The following ATAD1 variants were observed in gnomAD, a reference collection of about 807,000 sequenced individuals.
The protein encoded by ATAD1 is outer mitochondrial transmembrane helix translocase.
ATAD1 carries 18 observed loss-of-function variants against 42.7 expected under a neutral mutation model. The observed-to-expected ratio is 0.42, with a 90% CI of 0.29 to 0.63. The LOEUF (loss-of-function observed/expected upper bound fraction) is 0.63. Ranked by LOEUF, ATAD1 falls within the 20% of genes least tolerant of loss-of-function variation. The pLI is 0.19. For synonymous variants in ATAD1, 132 were observed against 143.1 expected, an observed-to-expected ratio of 0.92 and a Z score of 0.55; for missense variants, 294 against 440.4, an observed-to-expected ratio of 0.67 and a Z score of 2.98.
intron 1 of ATAD1, among the ~76,000 whole-genome samples, chr10:87,834,405 C>T (rs1312540037): frequency 6.6e-6 from 1 of 152,026 alleles, no homozygotes; most frequent in Non-Finnish European, 1.5e-5. Context: ...GACAGTGTAA[C>T]CATCTGGGCT....
At chr10:87,758,492 C>T (rs1158176601) in intron 8 of ATAD1, among the ~76,000 whole-genome samples, 3 of 151,806 alleles carry the variant, frequency 2.0e-5, no homozygotes, top group African/African-American at 7.3e-5. Flanking sequence ...ACCATAAATG[C>T]AAATAGACTA....
rs1006043385 is a variant in ATAD1, at chr10:87,818,098, CG to C, written c.-14+68del. 2.2e-5 allele frequency: 22 copies of C among 985,494 alleles called. No individual in the cohort carries two copies. In the Admixed American group the frequency reaches 2.5e-4, roughly 11 times the overall value. 61.0% of individuals were successfully genotyped at this position (985,494 alleles called of 1,614,324 possible). ...CCTCCGGGGGTTCCCAGGTCCGAGACGGTCCTTAAAGGACCTCAGAAGGATA... is the reference window on the plus strand; with the variant it reads ...CCTCCGGGGGTTCCCAGGTCCGAGACGTCCTTAAAGGACCTCAGAAGGATA... On this transcript the variant is annotated intron_variant, in intron 1 of 9. Coordinates refer to ENST00000680024, the MANE Select transcript of ATAD1 (RefSeq NM_001321967.2).
At chr10:87,797,225 C>T (rs1856435914) in intron 2 of ATAD1, among the ~76,000 whole-genome samples, 1 of 151,992 alleles carries the variant, frequency 6.6e-6, no homozygotes, top group Non-Finnish European at 1.5e-5. Flanking sequence ...TCAGATTTGA[C>T]AAACTCTACT....
intron 4 of ATAD1, among the ~76,000 whole-genome samples, chr10:87,787,242 T>C (rs1354801497): frequency 2.6e-5 from 4 of 152,252 alleles, no homozygotes; most frequent in African/African-American, 7.2e-5. Flanking sequence ...TTAAGCTTTA[T>C]AGAGGCTTAA....
chr10:87,756,907 C>T lies in ATAD1; in HGVS notation c.847G>A (p.Asp283Asn). Residue 283 changes from aspartate (D) to asparagine (N), a missense_variant, in exon 9 of 10, where the codon GAC (aspartate) becomes AAC (asparagine). Physicochemically the swap from Asp to Asn is conservative, Grantham distance 23 (BLOSUM62 1). This residue lies in a region of ATAD1 where 142 missense variants were observed against 174.6 expected (regional missense o/e 0.81). Coordinates refer to ENST00000680024, the MANE Select transcript of ATAD1 (RefSeq NM_001321967.2). ...LKNENVDRHV[D>N]LLEVAQETDG... ...GTTTCCTGGGCAACTTCTAGCAGGTCTACATGCCTATCCACCTTAAACAAA... is the reference window on the plus strand; with the variant it reads ...GTTTCCTGGGCAACTTCTAGCAGGTTTACATGCCTATCCACCTTAAACAAA... 1.2e-6 allele frequency: 2 copies of T among 1,604,362 alleles called. No homozygotes were observed. The highest frequency in any genetic ancestry group is 2.2e-5 in the East Asian group (1 of 44,708).
At chr10:87,808,007 T>C (rs1375495876) in intron 2 of ATAD1, among the ~76,000 whole-genome samples, 2 of 152,214 alleles carry the variant, frequency 1.3e-5, no homozygotes, top group African/African-American at 4.8e-5. Context: ...ATGTCTTATG[T>C]TTGTCCGTTG....
intron 4 of ATAD1, among the ~76,000 whole-genome samples, chr10:87,787,135 C>T (rs1258818905): frequency 2.6e-5 from 4 of 152,110 alleles, no homozygotes; most frequent in Non-Finnish European, 5.9e-5. Context: ...AGGCATTTAG[C>T]TTTTATTATT....
intron 1 of ATAD1, 105 bp downstream of exon 1, chr10:87,818,062 G>A (rs1857510109): frequency 4.1e-6 from 4 of 985,596 alleles, no homozygotes; most frequent in Non-Finnish European, 4.8e-6. Context: ...GAGAAGACCG[G>A]GGTGACCTTT....
intron 2 of ATAD1, among the ~76,000 whole-genome samples, chr10:87,812,585 G>A (rs554267475): frequency 6.6e-6 from 1 of 152,248 alleles, no homozygotes; most frequent in South Asian, 2.1e-4. Context: ...TTAACAGCTG[G>A]TCAGAGATGT....
At chr10:87,817,718 G>A (rs1857486758) in intron 1 of ATAD1, 1 of 984,894 alleles carries the variant, frequency 1.0e-6, no homozygotes, top group Non-Finnish European at 1.2e-6. Context: ...ACCATCTTTT[G>A]TGAAAGCGTG....
intron 2 of ATAD1, among the ~76,000 whole-genome samples, chr10:87,812,645 C>T (rs984422098): frequency 6.6e-6 from 1 of 152,146 alleles, no homozygotes; most frequent in Non-Finnish European, 1.5e-5. Context: ...GTTGGCCAAG[C>T]AAATCCCATT....
rs1857170984 is a variant in ATAD1, at chr10:87,811,329, A to C, written c.162+3109T>G. On this transcript the variant is annotated intron_variant, in intron 2 of 9. Coordinates refer to ENST00000680024, the MANE Select transcript of ATAD1 (RefSeq NM_001321967.2). ...GCCTGTGCAACACAGCAAGACTCCA[A>C]CTCAAAAATAAATAAATAAATAAAT... 2.0e-5 allele frequency among the ~76,000 whole-genome samples: 3 copies of C among 151,924 alleles called. No individual in the cohort carries two copies. The South Asian group carries it at 6.2e-4, about 32-fold the overall frequency.
At chr10:87,776,053 TC>T (rs1438722236) in intron 6 of ATAD1, among the ~76,000 whole-genome samples, 1 of 152,152 alleles carries the variant, frequency 6.6e-6, no homozygotes, top group Non-Finnish European at 1.5e-5. Context: ...TTCTGAAAAT[TC>T]CAAGGACAGG....
At chr10:87,795,082 T>C (rs986480346) in intron 2 of ATAD1, among the ~76,000 whole-genome samples, 2 of 152,148 alleles carry the variant, frequency 1.3e-5, no homozygotes, top group African/African-American at 4.8e-5. Flanking sequence ...ATTATTTAGA[T>C]GAGGAATTTA....
intron 9 of ATAD1, among the ~76,000 whole-genome samples, chr10:87,755,768 G>A (rs1190091411): frequency 6.6e-6 from 1 of 152,030 alleles, no homozygotes; most frequent in Non-Finnish European, 1.5e-5. Flanking sequence ...AATTAGCCGG[G>A]CATGGTGATG....
At chr10:87,785,992 A>C (rs1217138344) in intron 4 of ATAD1, among the ~76,000 whole-genome samples, 2 of 152,192 alleles carry the variant, frequency 1.3e-5, no homozygotes, top group East Asian at 3.8e-4. Context: ...GCATTCTGCA[A>C]ATTTTAATTA....
chr10:87,781,993 T>C (rs1564753482), intron 5 of ATAD1, among the ~76,000 whole-genome samples: 1 of 151,404 alleles, frequency 6.6e-6, no homozygotes, highest in African/African-American at 2.4e-5. Context: ...TGCAAATATA[T>C]ACAATGGCTG....
chr10:87,824,423 A>G (rs528445181), intron 1 of ATAD1, among the ~76,000 whole-genome samples: 2 of 152,316 alleles, frequency 1.3e-5, no homozygotes, highest in South Asian at 4.1e-4. Flanking sequence ...GATCTACTGT[A>G]TACTGACTCT....
At chr10:87,774,830 G>A (rs1048661910) in intron 6 of ATAD1, among the ~76,000 whole-genome samples, 1 of 152,108 alleles carries the variant, frequency 6.6e-6, no homozygotes, top group Non-Finnish European at 1.5e-5. Context: ...GCGTGCACCT[G>A]TAGTCCCAGA....
Sources: gnomAD v4.1 joint callset for allele counts (sites outside exome capture counted in the v4.1 genomes callset) on GRCh38, gnomAD v4.1.1 for gene constraint, gnomAD v4.1.1 regional missense constraint, MANE v1.5 for transcripts, NCBI Gene and HGNC (gene_info 2026-07-23, HGNC 2026-07-21) for gene names.